The following MTSS1 variants were observed in gnomAD, a reference collection of about 807,000 sequenced individuals.
MTSS1 encodes the protein MTSS I-BAR domain containing 1, also known as protein MTSS 1.
MTSS1 carries 18 observed loss-of-function variants against 79.0 expected under a neutral mutation model. That is an observed-to-expected ratio of 0.23 (90% confidence interval 0.16 to 0.34). The LOEUF is 0.34. Ranked by LOEUF, MTSS1 falls within the 10% of genes least tolerant of loss-of-function variation. The pLI is 1.00. For synonymous variants in MTSS1, 341 were observed against 368.6 expected (o/e 0.93, Z 0.86); for missense variants, 815 against 986.2 (o/e 0.83, Z 2.33).
At chr8:124,600,968 T>A (rs968277322) in intron 3 of MTSS1, among the ~76,000 whole-genome samples, 1 of 151,866 alleles carries the variant, frequency 6.6e-6, no homozygotes. Context: ...TGAGCCTCCA[T>A]CCTCTGCCCC....
chr8:124,600,937 G>A (rs949953526), intron 3 of MTSS1, among the ~76,000 whole-genome samples: 2 of 152,120 alleles, frequency 1.3e-5, no homozygotes, highest in Non-Finnish European at 2.9e-5. Context: ...GGACCGGGAG[G>A]CTCATGAAAA....
intron 3 of MTSS1, among the ~76,000 whole-genome samples, chr8:124,642,398 A>G (rs1416382717): frequency 1.3e-5 from 2 of 152,206 alleles, no homozygotes; most frequent in African/African-American, 4.8e-5. Flanking sequence ...GAAGGAGCCC[A>G]AAGTCAGCCT....
intron 7 of MTSS1, chr8:124,567,823 C>G (rs1290560371): frequency 6.6e-7 from 1 of 1,512,400 alleles, no homozygotes; most frequent in Non-Finnish European, 8.8e-7. Context: ...GGGAAATGAG[C>G]TGGTACCTTC....
intron 4 of MTSS1, among the ~76,000 whole-genome samples, 164 bp downstream of exon 4, chr8:124,590,987 C>T (rs1399041322): frequency 6.7e-6 from 1 of 150,226 alleles, no homozygotes; most frequent in Admixed American, 6.6e-5. Context: ...CCCAGGGCCT[C>T]GACCAGTGCC....
chr8:124,728,084 C>A lies in MTSS1; in HGVS notation c.-129G>T. Reference sequence around the variant, plus strand: ...CACCTCGGACTCGCAGCCTCTTCTGCAGCGAGGACGGGGTGCACCAGACCG... The same window carrying A: ...CACCTCGGACTCGCAGCCTCTTCTGAAGCGAGGACGGGGTGCACCAGACCG... On this transcript the variant is annotated 5_prime_UTR_variant, in exon 1 of 14. Coordinates refer to ENST00000518547, the MANE Select transcript of MTSS1 (RefSeq NM_014751.6). This position sits in a 1 kb window ranked among gnomAD's most constrained non-coding sequence, Gnocchi z 6.1. 2 of 705,308 alleles carry A rather than the reference C, an allele frequency of 2.8e-6. No individual in the cohort carries two copies. The highest frequency in any genetic ancestry group is 1.9e-5 in the South Asian group (1 of 52,018). 43.7% of individuals were successfully genotyped at this position (705,308 alleles called of 1,614,324 possible). A position where few individuals can be genotyped will look rare whatever the true frequency, so the allele number is the denominator to read the frequency against.
intron 2 of MTSS1, among the ~76,000 whole-genome samples, chr8:124,700,457 G>A (rs995909858): frequency 6.6e-6 from 1 of 152,088 alleles, no homozygotes; most frequent in Admixed American, 6.6e-5. Context: ...ACAGGCTTGG[G>A]CTTGACCCAC....
intron 3 of MTSS1, among the ~76,000 whole-genome samples, chr8:124,672,236 G>A (rs536916284): frequency 3.9e-5 from 6 of 152,368 alleles, no homozygotes; most frequent in African/African-American, 1.2e-4. Flanking sequence ...GCTCATGCCT[G>A]TAATCCCAAC....
intron 3 of MTSS1, among the ~76,000 whole-genome samples, chr8:124,611,095 C>A (rs908783097): frequency 6.8e-6 from 1 of 147,766 alleles, no homozygotes; most frequent in African/African-American, 2.6e-5. Context: ...GTGCACAAAC[C>A]CACCAGACAG....
intron 3 of MTSS1, among the ~76,000 whole-genome samples, chr8:124,690,567 G>C (rs534516083): frequency 2.1e-4 from 32 of 152,312 alleles, no homozygotes; most frequent in African/African-American, 7.7e-4. Flanking sequence ...ACTGAGGCAG[G>C]AGCACTGGTT....
intron 3 of MTSS1, among the ~76,000 whole-genome samples, chr8:124,695,207 A>G (rs897340708): frequency 9.9e-5 from 15 of 152,230 alleles, no homozygotes; most frequent in Non-Finnish European, 2.1e-4. Context: ...TCCCTTTTGG[A>G]AACAATATGA....
At chr8:124,646,948 T>C (rs1365815703) in intron 3 of MTSS1, among the ~76,000 whole-genome samples, 2 of 151,998 alleles carry the variant, frequency 1.3e-5, no homozygotes, top group Non-Finnish European at 2.9e-5. Context: ...TGGCCTCAAA[T>C]GGTCCTCCCA....
chr8:124,591,222 C>G lies in MTSS1; in HGVS notation c.222G>C (p.Glu74Asp). 6.2e-7 allele frequency: 1 copy of G among 1,614,184 alleles called. No individual in the cohort carries two copies. The highest frequency in any genetic ancestry group is 8.5e-7 in the Non-Finnish European group (1 of 1,180,008). Residue 74 changes from glutamate to aspartate, a missense_variant, in exon 4 of 14, where the codon GAG (glutamate) becomes GAC (aspartate). Transcript: ENST00000518547. ...MATNTRGGTREIGSALTRMCM... is the reference protein window; with the variant it reads ...MATNTRGGTRDIGSALTRMCM... ...ACATCCTGGTGAGAGCAGATCCAAT[C>G]TCCCTGGTCCCACCTGAAAAAGCAA...
chr8:124,643,977 G>A (rs1311206572), intron 3 of MTSS1, among the ~76,000 whole-genome samples: 1 of 151,704 alleles, frequency 6.6e-6, no homozygotes, highest in East Asian at 2.0e-4. Context: ...GTATGTGTCT[G>A]TGATGGAGAG....
At chr8:124,696,391 G>A (rs1210039346) in intron 3 of MTSS1, among the ~76,000 whole-genome samples, 2 of 152,088 alleles carry the variant, frequency 1.3e-5, no homozygotes, top group African/African-American at 4.8e-5. Flanking sequence ...GGACATTCGA[G>A]TTTCTCTTAT....
At chr8:124,602,798 A>G (rs1834160412) in intron 3 of MTSS1, among the ~76,000 whole-genome samples, 1 of 152,168 alleles carries the variant, frequency 6.6e-6, no homozygotes, top group Non-Finnish European at 1.5e-5. Context: ...GGCAACCAAG[A>G]TGCTGGAGTG....
chr8:124,631,745 C>A (rs1243195783), intron 3 of MTSS1, among the ~76,000 whole-genome samples: 2 of 152,236 alleles, frequency 1.3e-5, no homozygotes, highest in African/African-American at 2.4e-5. Context: ...GCTTAGCCAA[C>A]CTCCTACAGC....
At chr8:124,599,125 T>G (rs1833292230) in intron 3 of MTSS1, among the ~76,000 whole-genome samples, 1 of 152,192 alleles carries the variant, frequency 6.6e-6, no homozygotes, top group African/African-American at 2.4e-5. Context: ...CCTGTGCGCT[T>G]GAACAGCAGC....
chr8:124,666,581 C>T (rs774063387), intron 3 of MTSS1, among the ~76,000 whole-genome samples: 7 of 152,170 alleles, frequency 4.6e-5, no homozygotes, highest in Non-Finnish European at 1.0e-4. Context: ...CCCCTTGAAA[C>T]TGAATGGAAA....
chr8:124,568,049 G>T, intron 7 of MTSS1: 2 of 1,025,386 alleles, frequency 2.0e-6, no homozygotes, highest in Non-Finnish European at 2.6e-6. Flanking sequence ...GTTTGGACTT[G>T]GTGGGTCTGG....
Sources: gnomAD v4.1 joint callset for allele counts (sites outside exome capture counted in the v4.1 genomes callset) on GRCh38, gnomAD v4.1.1 for gene constraint, Gnocchi (gnomAD v3.1) non-coding constraint, MANE v1.5 for transcripts, NCBI Gene and HGNC (gene_info 2026-07-23, HGNC 2026-07-21) for gene names.